CSMD1: variants seen among roughly 807,000 people sequenced by gnomAD.
CSMD1 encodes the protein CUB and sushi domain-containing protein 1.
In CSMD1, 213 loss-of-function variants were observed where a neutral mutation model predicts 417.5. That is an observed-to-expected ratio of 0.51 (90% confidence interval 0.46 to 0.57). The LOEUF (loss-of-function observed/expected upper bound fraction) is 0.57. Among genes scored for constraint, CSMD1 ranks in the 20% least tolerant of loss-of-function variants. The pLI is 0.00. For synonymous variants in CSMD1, 2,862 were observed against 1,736.8 expected (o/e 1.65, Z -16.11); for missense variants, 6,923 against 4,529.7 (o/e 1.53, Z -15.17).
intron 5 of CSMD1, among the ~76,000 whole-genome samples, chr8:3,996,202 C>T (rs577131452): frequency 6.6e-6 from 1 of 152,192 alleles, no homozygotes; most frequent in Non-Finnish European, 1.5e-5. Flanking sequence ...TCTCTCCCAA[C>T]CTGACATCTT....
intron 1 of CSMD1, among the ~76,000 whole-genome samples, chr8:4,924,710 G>A (rs1399988462): frequency 7.2e-5 from 2 of 27,682 alleles, no homozygotes; most frequent in African/African-American, 2.8e-4. Context: ...AGACAAGAAT[G>A]AAACTCCATC....
chr8:3,638,151 C>G (rs960604747), intron 7 of CSMD1, among the ~76,000 whole-genome samples: 22 of 152,296 alleles, frequency 1.4e-4, no homozygotes, highest in African/African-American at 5.3e-4. Context: ...TCTCCTGCCC[C>G]TCACTGATGT....
rs1802101105 is a variant in CSMD1 at position 4,498,702 on chromosome 8, CAGTT to C, written c.303-78641_303-78638del. On this transcript the variant is annotated intron_variant, in intron 2 of 69. Transcript: ENST00000635120. ...CGAGTACCTACTTTGTGGTTCCAGA[CAGTT>C]AGCTAAGCCCTCTGAATGCATCAAC... 1.3e-5 allele frequency among the ~76,000 whole-genome samples: 2 copies of C among 152,142 alleles called. 1 individual carries two copies. The highest frequency in any genetic ancestry group is 4.1e-4 in the South Asian group (2 of 4,830).
intron 7 of CSMD1, among the ~76,000 whole-genome samples, chr8:3,666,067 T>A (rs1798677860): frequency 6.6e-6 from 1 of 152,158 alleles, no homozygotes. Context: ...GGCTAATTTT[T>A]GTATCTGTAG....
chr8:4,101,802 A>G (rs1801318006), intron 3 of CSMD1, among the ~76,000 whole-genome samples: 1 of 148,332 alleles, frequency 6.7e-6, no homozygotes, highest in Non-Finnish European at 1.5e-5. Context: ...CTGTGAGTTC[A>G]AAGTGAACGG....
chr8:4,857,475 G>A (rs1046181159), intron 1 of CSMD1, among the ~76,000 whole-genome samples: 1 of 152,134 alleles, frequency 6.6e-6, no homozygotes, highest in Non-Finnish European at 1.5e-5. Flanking sequence ...AATGAATCCA[G>A]GAGCTCGTTT....
intron 7 of CSMD1, among the ~76,000 whole-genome samples, chr8:3,660,784 G>C (rs574553431): frequency 6.6e-6 from 1 of 152,262 alleles, no homozygotes; most frequent in East Asian, 1.9e-4. Context: ...GCCTCTCAAA[G>C]TGCTGGAATC....
chr8:3,525,810 A>C (rs1430685010), intron 10 of CSMD1, among the ~76,000 whole-genome samples: 2 of 152,146 alleles, frequency 1.3e-5, no homozygotes, highest in Non-Finnish European at 2.9e-5. Flanking sequence ...CTTACCACTA[A>C]GTTGACACAC....
chr8:3,558,158 C>G (rs1312802170), intron 10 of CSMD1, among the ~76,000 whole-genome samples: 3 of 149,750 alleles, frequency 2.0e-5, no homozygotes, highest in Non-Finnish European at 4.5e-5. Context: ...TGAATGGTGC[C>G]TCAATAGCAC....
chr8:4,394,477 T>C (rs1271517908), intron 3 of CSMD1, among the ~76,000 whole-genome samples: 1 of 152,184 alleles, frequency 6.6e-6, no homozygotes, highest in Non-Finnish European at 1.5e-5. Context: ...TCAGGTTCTC[T>C]CCCTTCTGAA....
chr8:4,208,004 A>G (rs1048149122), intron 3 of CSMD1, among the ~76,000 whole-genome samples: 1 of 152,160 alleles, frequency 6.6e-6, no homozygotes. Context: ...GAAAAGTTTA[A>G]AACCTAAAAG....
At chr8:3,014,095 T>C (rs1808638960) in intron 52 of CSMD1, among the ~76,000 whole-genome samples, 1 of 152,158 alleles carries the variant, frequency 6.6e-6, no homozygotes. Flanking sequence ...ATTATATTAT[T>C]TTGTTTGTCC....
chr8:3,754,086 A>G, intron 5 of CSMD1, 44 bp from the exon 6 acceptor site: 2 of 1,310,006 alleles, frequency 1.5e-6, no homozygotes, highest in Non-Finnish European at 2.2e-6. Context: ...GTAAACCAAC[A>G]GAGCAAATGT....
chr8:4,519,864 G>C (rs1005287713), intron 2 of CSMD1, among the ~76,000 whole-genome samples: 2 of 146,276 alleles, frequency 1.4e-5, no homozygotes, highest in Admixed American at 6.9e-5. Flanking sequence ...AAATTCACTA[G>C]ATTTGGTTCA....
intron 12 of CSMD1, among the ~76,000 whole-genome samples, chr8:3,416,748 C>G (rs993812087): frequency 6.6e-6 from 1 of 152,028 alleles, no homozygotes. Context: ...CACAAGACAG[C>G]TAGTACAGAA....
chr8:4,656,139 G>T (rs1397378622), intron 1 of CSMD1, among the ~76,000 whole-genome samples: 1 of 152,052 alleles, frequency 6.6e-6, no homozygotes, highest in African/African-American at 2.4e-5. Flanking sequence ...GAGAGGTGAT[G>T]TGAAGCAAGG....
At chr8:4,093,965 A>AATAGATAGATAGATAGATAG (rs201105711) in intron 3 of CSMD1, among the ~76,000 whole-genome samples, 19 of 136,954 alleles carry the variant, frequency 1.4e-4, no homozygotes, top group East Asian at 2.6e-4. Flanking sequence ...CTACATCTCA[A>AATAGATAGATAGATAGATAG]ATAGATAGAT....
chr8:3,853,101 T>C (rs1300004455), intron 5 of CSMD1, among the ~76,000 whole-genome samples: 1 of 152,146 alleles, frequency 6.6e-6, no homozygotes, highest in East Asian at 1.9e-4. Context: ...GACCTCATCA[T>C]TCTTGATCCA....
At chr8:4,345,018 A>G (rs1192747073) in intron 3 of CSMD1, among the ~76,000 whole-genome samples, 1 of 152,144 alleles carries the variant, frequency 6.6e-6, no homozygotes, top group African/African-American at 2.4e-5. Context: ...TTTCTAAGGC[A>G]GCATCACACC....
Sources: allele counts gnomAD v4.1 joint callset (sites outside exome capture counted in the v4.1 genomes callset), GRCh38; gene constraint gnomAD v4.1.1; transcripts MANE v1.5; gene names NCBI Gene and HGNC (gene_info 2026-07-23, HGNC 2026-07-21).